The following CDC34 variants were observed in gnomAD, a reference collection of about 807,000 sequenced individuals.
CDC34 encodes ubiquitin-conjugating enzyme E2 R1.
A neutral mutation model predicts 26.8 loss-of-function variants in CDC34; 18 were observed. The ratio of observed to expected loss-of-function variants is 0.67; its 90% CI spans 0.47 to 1.00. CDC34 has a LOEUF of 1.00. Ranked by LOEUF, CDC34 falls within the 50% of genes least tolerant of loss-of-function variation. The pLI, the probability that CDC34 is intolerant of heterozygous loss-of-function variation, is 0.00. For synonymous variants in CDC34, 178 were observed against 147.5 expected, an observed-to-expected ratio of 1.21 and a Z score of -1.50; for missense variants, 280 against 334.5, an observed-to-expected ratio of 0.84 and a Z score of 1.27.
intron 4 of CDC34, 37 bp from the exon 5 acceptor site, chr19:541,302 C>G: frequency 6.7e-7 from 1 of 1,499,874 alleles, no homozygotes; most frequent in Non-Finnish European, 8.9e-7. Context: ...CGAGTCCAGG[C>G]ACGTGGGTGG....
At chr19:532,577 AC>A (rs1439832541) in intron 1 of CDC34, among the ~76,000 whole-genome samples, 1 of 151,686 alleles carries the variant, frequency 6.6e-6, no homozygotes, top group Non-Finnish European at 1.5e-5. Flanking sequence ...GCCCCCCCAG[AC>A]CCCGTAGCTG....
Position 540,778 on chromosome 19 carries a change from C to A in CDC34, c.498-561C>A, listed in dbSNP as rs187195189. On this transcript the variant is annotated intron_variant, in intron 4 of 4. Coordinates refer to ENST00000215574, the MANE Select transcript of CDC34 (RefSeq NM_004359.2). ...ATGGCCAGGCCCCCGGGTTTAGAATCCAGAGGCTGGGATGGCCAGGCCCCC... is the reference window on the plus strand; with the variant it reads ...ATGGCCAGGCCCCCGGGTTTAGAATACAGAGGCTGGGATGGCCAGGCCCCC... Among the ~76,000 whole-genome samples, 95 of 79,426 alleles carry A rather than the reference C, an allele frequency of 1.2e-3. 13 individuals are homozygous for A. Among genetic ancestry groups the A allele is most frequent in the African/African-American group, 3.6e-3 (93 of 26,070 alleles). 52.1% of individuals were successfully genotyped at this position (79,426 alleles called of 152,430 possible).
rs1373602685 is a variant in CDC34, at chr19:541,687, C to T, written c.*135C>T. ...TGTTTCGTTTTGGCTTTTTCTCCCTCCCCATGTCTGTTCTGGGTTTTCACG... is the reference window on the plus strand; with the variant it reads ...TGTTTCGTTTTGGCTTTTTCTCCCTTCCCATGTCTGTTCTGGGTTTTCACG... On this transcript the variant is annotated 3_prime_UTR_variant, in exon 5 of 5. Transcript: ENST00000215574. 4 of 951,688 alleles carry T rather than the reference C, an allele frequency of 4.2e-6. No individual in the cohort carries two copies. In the East Asian group the frequency reaches 8.5e-5, roughly 20 times the overall value. The allele number at this position is 951,688 out of a possible 1,614,324, so 59.0% of individuals were successfully genotyped here. A position where few individuals can be genotyped will look rare whatever the true frequency, so the allele number is the denominator to read the frequency against.
At position 541,700 on chromosome 19, in the gene CDC34, C is replaced by T; in HGVS notation, c.*148C>T. On this transcript the variant is annotated 3_prime_UTR_variant, in exon 5 of 5. Transcript: ENST00000215574. ...CTTTTTCTCCCTCCCCATGTCTGTT[C>T]TGGGTTTTCACGTGCTTCAGAGAAG... 6 of 888,386 alleles carry T rather than the reference C, an allele frequency of 6.8e-6. No homozygotes were observed. The highest frequency in any genetic ancestry group is 9.7e-6 in the Non-Finnish European group (6 of 617,388). The allele number at this position is 888,386 out of a possible 1,614,324, so 55.0% of individuals were successfully genotyped here.
rs1306937547 is a variant in CDC34 at position 541,765 on chromosome 19, G to A, written c.*213G>A. The A allele has an allele frequency of 3.1e-5, 14 of 458,770 alleles. No individual in the cohort carries two copies. In the East Asian group the frequency reaches 4.4e-4, roughly 14 times the overall value. The allele number at this position is 458,770 out of a possible 1,614,324, so 28.4% of individuals were successfully genotyped here. A position where few individuals can be genotyped will look rare whatever the true frequency, so the allele number is the denominator to read the frequency against. ...CGCCACTCACGTCACTCGGGGCTCG[G>A]TGGACGGGCCCAGGGTGGGAGCGGC... On this transcript the variant is annotated 3_prime_UTR_variant, in exon 5 of 5. Transcript: ENST00000215574.
chr19:534,508 T>G (rs1979645960), intron 1 of CDC34, among the ~76,000 whole-genome samples: 1 of 105,508 alleles, frequency 9.5e-6, no homozygotes, highest in Non-Finnish European at 1.9e-5. Flanking sequence ...ACCCCCTGAG[T>G]GCCCTCCCTG....
chr19:534,532 C>A (rs1405599495), intron 1 of CDC34, among the ~76,000 whole-genome samples: 1 of 136,292 alleles, frequency 7.3e-6, no homozygotes, highest in African/African-American at 2.8e-5. Flanking sequence ...AGACCTCGCC[C>A]ACAATCCAAG....
intron 4 of CDC34, among the ~76,000 whole-genome samples, chr19:538,446 G>A (rs759526368): frequency 3.9e-5 from 6 of 152,176 alleles, no homozygotes; most frequent in African/African-American, 1.4e-4. Context: ...AAACACGTGC[G>A]TGTCTGTGTA....
At chr19:535,224 A>T (rs188080894) in intron 1 of CDC34, among the ~76,000 whole-genome samples, 80 of 152,316 alleles carry the variant, frequency 5.3e-4, no homozygotes, top group African/African-American at 1.9e-3. Context: ...ACAGGGAAGG[A>T]GTCCTGCCAG....
At chr19:540,907 G>A (rs757986256) in intron 4 of CDC34, among the ~76,000 whole-genome samples, 1 of 152,166 alleles carries the variant, frequency 6.6e-6, no homozygotes, top group Non-Finnish European at 1.5e-5. Context: ...TCTCACCTGT[G>A]CTGGTTCCCG....
At chr19:533,171 G>A (rs1376041720) in intron 1 of CDC34, among the ~76,000 whole-genome samples, 1 of 152,162 alleles carries the variant, frequency 6.6e-6, no homozygotes, top group African/African-American at 2.4e-5. Context: ...GGGGCCAGAG[G>A]GACAAAGCGA....
At chr19:538,668 C>T (rs1394524696) in intron 4 of CDC34, 84 of 976,564 alleles carry the variant, frequency 8.6e-5, no homozygotes, top group Non-Finnish European at 9.5e-5. Flanking sequence ...ATGTGTCTTC[C>T]TCGCCCCAGG....
At position 537,100 on chromosome 19, in the gene CDC34, G is replaced by A; in HGVS notation, c.450G>A (p.Lys150=). The A allele has an allele frequency of 6.2e-7, 1 of 1,613,886 alleles. No individual in the cohort carries two copies. Among genetic ancestry groups the A allele is most frequent in the Non-Finnish European group, 8.5e-7 (1 of 1,179,988 alleles). Residue 150 remains lysine (K), a synonymous_variant, in exon 4 of 5, where the codon AAG becomes AAA. Transcript: ENST00000215574. ...TGGACGCCTCCGTGATGTACAGGAAGTGGAAAGAGAGCAAGGGGAAGGATC... is the reference window on the plus strand; with the variant it reads ...TGGACGCCTCCGTGATGTACAGGAAATGGAAAGAGAGCAAGGGGAAGGATC... ...ANVDASVMYR[K]WKESKGKDRE...
intron 2 of CDC34, 35 bp downstream of exon 2, chr19:535,958 C>G: frequency 1.3e-6 from 2 of 1,577,166 alleles, no homozygotes; most frequent in Non-Finnish European, 1.7e-6. Flanking sequence ...AAGTCCTCAT[C>G]CTCCGGGACC....
intron 4 of CDC34, 105 bp from the exon 5 acceptor site, chr19:541,234 G>C: frequency 7.1e-7 from 1 of 1,399,828 alleles, no homozygotes; most frequent in African/African-American, 1.5e-5. Flanking sequence ...GCCGTTTTAA[G>C]AGAAACCTGA....
intron 1 of CDC34, 85 bp downstream of exon 1, chr19:532,193 G>A (rs1391073574): frequency 3.4e-6 from 4 of 1,161,496 alleles, no homozygotes; most frequent in Non-Finnish European, 3.5e-6. Context: ...CGCGGTCCTA[G>A]CGCTGTTGCT....
intron 3 of CDC34, chr19:536,644 G>A (rs983909587): frequency 6.7e-5 from 36 of 540,524 alleles, no homozygotes; most frequent in Non-Finnish European, 9.0e-5. Flanking sequence ...TTACCCAGCC[G>A]TCTCTGGGTT....
Position 541,435 on chromosome 19 carries a change from G to A in CDC34, c.594G>A (p.Ala198=), listed in dbSNP as rs369427490. The A allele has an allele frequency of 2.9e-5, 46 of 1,612,474 alleles. No individual in the cohort carries two copies. The highest frequency in any genetic ancestry group is 1.7e-4 in the Middle Eastern group (1 of 6,030). ...ACTGCGTGAAGACCAAGGCGCCGGC[G>A]CCCGACGAGGGCTCAGACCTCTTCT... The part of the protein sequence containing the change: ...AEYCVKTKAP[A]PDEGSDLFYD... The change falls in exon 5 of 5, where the codon GCG becomes GCA. Residue 198 remains alanine, a synonymous_variant. Transcript: ENST00000215574.
chr19:536,748 G>A (rs1289849767), intron 3 of CDC34: 4 of 559,884 alleles, frequency 7.1e-6, no homozygotes, highest in African/African-American at 5.6e-5. Flanking sequence ...AGTCTAGGCA[G>A]GACGTGCGGG....
Sources: allele counts gnomAD v4.1 joint callset (sites outside exome capture counted in the v4.1 genomes callset), GRCh38; gene constraint gnomAD v4.1.1; transcripts MANE v1.5; gene names NCBI Gene and HGNC (gene_info 2026-07-23, HGNC 2026-07-21).